UTP14A: variants seen among roughly 807,000 people sequenced by gnomAD.
The protein encoded by UTP14A is U3 small nucleolar RNA-associated protein 14 homolog A.
UTP14A carries 5 observed loss-of-function variants against 57.2 expected under a neutral mutation model. The ratio of observed to expected loss-of-function variants is 0.09; its 90% CI spans 0.05 to 0.18. The LOEUF (loss-of-function observed/expected upper bound fraction) is 0.18, where lower values mean the gene tolerates loss of function less well. Among genes scored for constraint, UTP14A ranks in the 10% least tolerant of loss-of-function variants. The probability of loss-of-function intolerance (pLI) is 1.00; values close to 1 mark genes in which losing one functional copy is unlikely to be tolerated. For missense variants in UTP14A, 430 were observed against 562.1 expected (o/e 0.76, Z 2.38); for synonymous variants, 169 against 210.9 (o/e 0.80, Z 1.72).
chrX:129,921,660 T>G, intron 11 of UTP14A, 73 bp downstream of exon 11: 1 of 1,084,679 alleles, frequency 9.2e-7, no homozygotes, highest in Non-Finnish European at 1.2e-6. Flanking sequence ...AAAAAATGTG[T>G]CCACCCACAC....
rs1026028290 is a variant in UTP14A at position 129,926,226 on chromosome X, GT to G, written c.1944-10del. The G allele has an allele frequency of 1.7e-6, 2 of 1,208,956 alleles. No individual in the cohort carries two copies. The highest frequency in any genetic ancestry group is 2.2e-6 in the Non-Finnish European group (2 of 894,027). On this transcript the variant is annotated splice_polypyrimidine_tract_variant and intron_variant, in intron 13 of 14. Coordinates refer to ENST00000394422, the MANE Select transcript of UTP14A (RefSeq NM_006649.4). The stretch of plus-strand genomic sequence containing the variant: ...AATGCTCCTAGTCAGATGTCCTGTT[GT>G]TTTGCTTTCCAGGTTTCTCATTAAA...
chrX:129,907,301 G>A, intron 1 of UTP14A, 66 bp from the exon 2 acceptor site: 1 of 855,855 alleles, frequency 1.2e-6, no homozygotes, highest in Non-Finnish European at 1.7e-6. Context: ...ATAATTAAGG[G>A]ATACATATGC....
chrX:129,916,362 T>C (rs190915995), intron 6 of UTP14A, among the ~76,000 whole-genome samples: 1 of 111,159 alleles, frequency 9.0e-6, no homozygotes, highest in African/African-American at 3.3e-5. Context: ...CAGTCCAAAG[T>C]AAGCTTCGCA....
In UTP14A at chrX:129,920,702, A is replaced by C. The variant is rs1370189529; in HGVS notation, c.904A>C (p.Ser302Arg). The change falls in exon 10 of 15, where the codon AGT becomes CGT. Residue 302 changes from serine to arginine, a missense_variant. Transcript: ENST00000394422. ...MERMSLKHQN[S>R]GKWAKSKAIM... is the part of the protein sequence containing the mutation. ...AAGAATGAGCCTTAAGCACCAAAACAGTGGGAAATGGGCCAAGTCAAAGGC... is the reference window on the plus strand; with the variant it reads ...AAGAATGAGCCTTAAGCACCAAAACCGTGGGAAATGGGCCAAGTCAAAGGC... The C allele has an allele frequency of 3.2e-5, 39 of 1,207,993 alleles. No homozygotes were observed. Among genetic ancestry groups the C allele is most frequent in the Admixed American group, 4.4e-5 (2 of 45,359 alleles).
chrX:129,925,821 C>A (rs1930083503), intron 12 of UTP14A, 98 bp from the exon 13 acceptor site: 1 of 1,039,743 alleles, frequency 9.6e-7, no homozygotes, highest in Non-Finnish European at 1.3e-6. Flanking sequence ...GCACTTCCCC[C>A]TAGGGGGCGC....
intron 8 of UTP14A, among the ~76,000 whole-genome samples, chrX:129,919,999 G>A (rs1929844641): frequency 9.0e-6 from 1 of 111,245 alleles, no homozygotes. Flanking sequence ...GACCAGCCTG[G>A]CCAACATGGC....
intron 12 of UTP14A, among the ~76,000 whole-genome samples, chrX:129,925,638 T>C (rs1930075640): frequency 1.8e-5 from 2 of 112,430 alleles, no homozygotes; most frequent in Non-Finnish European, 3.8e-5. Context: ...TCTGGCCACT[T>C]AGAGCTCCTG....
chrX:129,927,759 G>A (rs1361552821), intron 14 of UTP14A, among the ~76,000 whole-genome samples: 1 of 111,619 alleles, frequency 9.0e-6, no homozygotes, highest in African/African-American at 3.3e-5. Context: ...TGCCTGCCTC[G>A]GTCTCCCAAA....
intron 6 of UTP14A, among the ~76,000 whole-genome samples, chrX:129,917,303 A>G (rs1929726718): frequency 8.9e-6 from 1 of 112,628 alleles, no homozygotes; most frequent in Non-Finnish European, 1.9e-5. Context: ...GAATAGTTTT[A>G]TGGTTAAATC....
rs767422423 is a variant in UTP14A at position 129,925,977 on chromosome X, A to G, written c.1808A>G (p.Asp603Gly). ...ATAAAGGAAGCTTTTGCTGGGGATG[A>G]TGTCATCAGAGATTTCTTGAAAGAG... Reference protein sequence around the residue: ...QMIKEAFAGDDVIRDFLKEKR... With the variant: ...QMIKEAFAGDGVIRDFLKEKR... Residue 603 changes from aspartate to glycine, a missense_variant, in exon 13 of 15, where the codon GAT becomes GGT. By Grantham distance (94) the Asp-to-Gly change is moderately conservative. This residue lies in a region of UTP14A where 82 missense variants were observed against 151.4 expected (regional missense o/e 0.54). Transcript: ENST00000394422. 2.5e-6 allele frequency: 3 copies of G among 1,211,664 alleles called. No individual in the cohort carries two copies. The highest frequency in any genetic ancestry group is 3.4e-6 in the Non-Finnish European group (3 of 895,498).
Position 129,907,371 on chromosome X carries a change from C to G in UTP14A, c.31C>G (p.Leu11Val). MTANRLAESL[L>V]ALSQQEELAD... ...CTCTGTTGCCTCTTTTAACAGCCTT[C>G]TGGCTTTGAGCCAACAGGAAGAACT... The change falls in exon 2 of 15, where the codon CTG becomes GTG. Residue 11 changes from leucine (L) to valine (V), a missense_variant. By Grantham distance (32) the Leu-to-Val change is conservative (BLOSUM62 1). Around this residue, in one of 4 missense-constraint regions of UTP14A, gnomAD observed 145 missense variants for 153.5 expected, o/e 0.94. Coordinates refer to ENST00000394422, the MANE Select transcript of UTP14A (RefSeq NM_006649.4). 8.3e-7 allele frequency: 1 copy of G among 1,208,050 alleles called. No individual in the cohort carries two copies. The highest frequency in any genetic ancestry group is 1.1e-6 in the Non-Finnish European group (1 of 894,215).
rs1200418352 is a variant in UTP14A at position 129,929,559 on chromosome X, G to A, written c.2267G>A (p.Arg756Gln). 1.1e-5 allele frequency: 13 copies of A among 1,209,501 alleles called. No homozygotes were observed. In the East Asian group the frequency reaches 1.8e-4, roughly 17 times the overall value. ...DLSVIQRNPK[R>Q]ITTRHKKQLK... ...TCTGTCATACAGAGGAATCCAAAAC[G>A]AATCACCACACGTCACAAAAAACAG... is the stretch of plus-strand genomic sequence containing the variant. Residue 756 changes from arginine (R) to glutamine (Q), a missense_variant, in exon 15 of 15, where the codon CGA (arginine) becomes CAA (glutamine). Physicochemically the swap from Arg to Gln is conservative, Grantham distance 43. This residue lies in a region of UTP14A where 82 missense variants were observed against 151.4 expected (regional missense o/e 0.54). Transcript: ENST00000394422.
chrX:129,920,313 C>T, intron 8 of UTP14A, 144 bp from the exon 9 acceptor site: 1 of 836,451 alleles, frequency 1.2e-6, no homozygotes, highest in Non-Finnish European at 1.7e-6. Flanking sequence ...TGTCAGGTCC[C>T]AAACTGACTC....
intron 4 of UTP14A, among the ~76,000 whole-genome samples, chrX:129,909,363 C>T (rs1461315732): frequency 9.0e-6 from 1 of 110,701 alleles, no homozygotes; most frequent in East Asian, 2.8e-4. Flanking sequence ...GTGCCCGCCA[C>T]CGCGCCTGGC....
chrX:129,925,316 G>A, intron 12 of UTP14A, 121 bp downstream of exon 12: 1 of 937,339 alleles, frequency 1.1e-6, no homozygotes, highest in South Asian at 2.6e-5. Flanking sequence ...ATAGTATAGG[G>A]CCAGGCTAGT....
chrX:129,910,782 GAATA>G (rs1929436903), intron 4 of UTP14A, among the ~76,000 whole-genome samples: 1 of 112,749 alleles, frequency 8.9e-6, no homozygotes, highest in African/African-American at 3.2e-5. Context: ...AATGAGTTTT[GAATA>G]AATATTTTCC....
intron 8 of UTP14A, among the ~76,000 whole-genome samples, chrX:129,920,170 C>CA (rs1929853052): frequency 9.1e-6 from 1 of 109,406 alleles, no homozygotes. Flanking sequence ...GCCTGAGTGA[C>CA]AGAGTGAGAC....
chrX:129,918,793 C>T (rs1048075624), intron 6 of UTP14A, among the ~76,000 whole-genome samples: 3 of 109,746 alleles, frequency 2.7e-5, no homozygotes, highest in African/African-American at 6.6e-5. Context: ...AGGAGAATGG[C>T]GTGAACTCAG....
chrX:129,918,874 C>T (rs896081510), intron 6 of UTP14A, among the ~76,000 whole-genome samples: 3 of 106,760 alleles, frequency 2.8e-5, no homozygotes, highest in Admixed American at 9.9e-5. Context: ...AAGACTCCAT[C>T]TCAAAGAAAA....
Sources: gnomAD v4.1 joint callset for allele counts (sites outside exome capture counted in the v4.1 genomes callset) on GRCh38, gnomAD v4.1.1 for gene constraint, gnomAD v4.1.1 regional missense constraint, MANE v1.5 for transcripts, NCBI Gene and HGNC (gene_info 2026-07-23, HGNC 2026-07-21) for gene names.